RFC3: variants seen among roughly 807,000 people sequenced by gnomAD.
RFC3 encodes the protein A1 38 kDa subunit.
In RFC3, 41 loss-of-function variants were observed where a neutral mutation model predicts 45.1. The observed-to-expected ratio is 0.91, with a 90% CI of 0.71 to 1.18. The LOEUF is 1.18. RFC3 is among the 50% of genes most tolerant of loss of function. RFC3 has a pLI of 0.00. For synonymous variants in RFC3, 149 were observed against 144.0 expected (o/e 1.03, Z -0.25); for missense variants, 423 against 428.1 (o/e 0.99, Z 0.10).
intron 8 of RFC3, among the ~76,000 whole-genome samples, chr13:33,897,795 T>A (rs1337066628): frequency 6.6e-6 from 1 of 151,710 alleles, no homozygotes; most frequent in Non-Finnish European, 1.5e-5. Context: ...AGACTACAAA[T>A]CAAAGACTGT....
chr13:33,842,523 C>T (rs2082207174), intron 8 of RFC3, among the ~76,000 whole-genome samples: 1 of 152,180 alleles, frequency 6.6e-6, no homozygotes, highest in South Asian at 2.1e-4. Context: ...TCCCTTCTTT[C>T]CAGATCTCTG....
intron 8 of RFC3, chr13:33,849,373 G>A (rs1021657678): frequency 6.6e-6 from 1 of 151,994 alleles, no homozygotes; most frequent in Non-Finnish European, 1.5e-5. Flanking sequence ...GGCTCTCTAG[G>A]GAAAAAAATC....
intron 8 of RFC3, among the ~76,000 whole-genome samples, chr13:33,861,788 C>T (rs968651648): frequency 3.3e-5 from 5 of 152,212 alleles, no homozygotes; most frequent in Non-Finnish European, 5.9e-5. Context: ...TGATTTTTCA[C>T]TTAACAATTT....
chr13:33,884,908 G>T (rs1174655807), intron 8 of RFC3, among the ~76,000 whole-genome samples: 1 of 152,214 alleles, frequency 6.6e-6, no homozygotes, highest in Non-Finnish European at 1.5e-5. Context: ...TGCTTTTCAA[G>T]ATCAACTTTT....
rs1360895222 is a variant in RFC3, at chr13:33,836,211, T to A, written c.987T>A (p.Ile329=). The A allele has an allele frequency of 1.2e-6, 2 of 1,613,572 alleles. No homozygotes were observed. The highest frequency in any genetic ancestry group is 2.2e-5 in the South Asian group (2 of 91,072). Residue 329 remains isoleucine (I), a synonymous_variant, in exon 9 of 9, where the codon ATT becomes ATA. Transcript: ENST00000380071. ...EHRLQLGSKA[I]YHLEAFVAKF... is the part of the protein sequence containing the mutation. ...GTCTACAGCTGGGTAGCAAAGCCAT[T>A]TATCACTTGGAAGCGTTTGTGGCCA...
intron 8 of RFC3, among the ~76,000 whole-genome samples, chr13:33,873,724 C>G (rs1267657295): frequency 1.3e-5 from 2 of 152,140 alleles, no homozygotes; most frequent in East Asian, 3.9e-4. Context: ...ATCTTTAGAC[C>G]AGGCCCCTGT....
chr13:33,951,281 G>A (rs9598369), intron 8 of RFC3, among the ~76,000 whole-genome samples: 1,524 of 148,378 alleles, frequency 0.01, 31 homozygotes, highest in African/African-American at 0.036. Flanking sequence ...TGCCCAGGCT[G>A]GAGTGCAGTG....
intron 5 of RFC3, 141 bp downstream of exon 5, chr13:33,830,158 A>C: frequency 1.5e-6 from 1 of 675,528 alleles, no homozygotes; most frequent in Admixed American, 2.9e-5. Context: ...ATGTGAACAA[A>C]CCAAAGCGTA....
At chr13:33,829,211 G>A (rs908522409) in intron 4 of RFC3, among the ~76,000 whole-genome samples, 6 of 152,276 alleles carry the variant, frequency 3.9e-5, no homozygotes, top group Non-Finnish European at 8.8e-5. Flanking sequence ...ACTATGTTAA[G>A]GCTGATCTGT....
chr13:33,917,806 C>T (rs1227365361), intron 8 of RFC3, among the ~76,000 whole-genome samples: 1 of 151,950 alleles, frequency 6.6e-6, no homozygotes, highest in Non-Finnish European at 1.5e-5. Flanking sequence ...CTTTTGTCTA[C>T]TCCACTAGCA....
At chr13:33,841,380 T>G (rs948300336), downstream of RFC3, among the ~76,000 whole-genome samples, 1 of 152,222 alleles carries the variant, frequency 6.6e-6, no homozygotes, top group African/African-American at 2.4e-5. Context: ...GCAGTGAGCT[T>G]AAGTGTTGTA....
chr13:33,910,788 C>T (rs2082699412), intron 8 of RFC3, among the ~76,000 whole-genome samples: 1 of 151,992 alleles, frequency 6.6e-6, no homozygotes, highest in Admixed American at 6.6e-5. Flanking sequence ...ACAGGCTGTA[C>T]AGGAATCATG....
chr13:33,907,566 T>G (rs2082679054), intron 8 of RFC3, among the ~76,000 whole-genome samples: 1 of 152,060 alleles, frequency 6.6e-6, no homozygotes, highest in Non-Finnish European at 1.5e-5. Flanking sequence ...GAAAAACTTC[T>G]TGTAGATTTA....
chr13:33,915,952 C>G (rs1266169280), intron 8 of RFC3, among the ~76,000 whole-genome samples: 1 of 152,084 alleles, frequency 6.6e-6, no homozygotes, highest in Non-Finnish European at 1.5e-5. Flanking sequence ...GCGCACTCCA[C>G]CACACCTAGC....
chr13:33,900,879 CAA>C (rs1369630550), intron 8 of RFC3, among the ~76,000 whole-genome samples: 1 of 148,228 alleles, frequency 6.7e-6, no homozygotes, highest in Non-Finnish European at 1.5e-5. Context: ...TGAAAATGGA[CAA>C]AAAATGTGAT....
chr13:33,843,662 T>A (rs1170723436), intron 8 of RFC3, among the ~76,000 whole-genome samples: 1 of 152,206 alleles, frequency 6.6e-6, no homozygotes, highest in Non-Finnish European at 1.5e-5. Context: ...TAACACTCTT[T>A]GAACTAGACA....
chr13:33,916,023 T>G (rs1233542410), intron 8 of RFC3, among the ~76,000 whole-genome samples: 1 of 152,140 alleles, frequency 6.6e-6, no homozygotes, highest in Admixed American at 6.5e-5. Context: ...GATCTCAAAC[T>G]CTTGACCTCA....
intron 4 of RFC3, 74 bp downstream of exon 4, chr13:33,825,960 G>A (rs2082045687): frequency 1.2e-6 from 1 of 853,574 alleles, no homozygotes; most frequent in Non-Finnish European, 1.8e-6. Context: ...AGTTATGAAA[G>A]TGAACAGGAG....
At chr13:33,967,483 A>ATTT (rs370317891), downstream of RFC3, among the ~76,000 whole-genome samples, 1 of 93,250 alleles carries the variant, frequency 1.1e-5, no homozygotes, top group East Asian at 3.6e-4. Context: ...TAAACCAGCA[A>ATTT]TTCTTTTTTT....
Sources: allele counts gnomAD v4.1 joint callset (sites outside exome capture counted in the v4.1 genomes callset), GRCh38; gene constraint gnomAD v4.1.1; transcripts MANE v1.5; gene names NCBI Gene and HGNC (gene_info 2026-07-23, HGNC 2026-07-21).